RBMS1: variants seen among roughly 807,000 people sequenced by gnomAD.
RBMS1 encodes the protein RNA-binding motif, single-stranded-interacting protein 1.
RBMS1 carries 17 observed loss-of-function variants against 62.3 expected under a neutral mutation model. The ratio of observed to expected loss-of-function variants is 0.27; its 90% CI spans 0.19 to 0.41. The LOEUF (loss-of-function observed/expected upper bound fraction) is 0.41, where lower values mean the gene tolerates loss of function less well. RBMS1 is among the 10% of genes least tolerant of loss of function. The probability of loss-of-function intolerance (pLI) is 1.00; values close to 1 mark genes in which losing one functional copy is unlikely to be tolerated. For synonymous variants in RBMS1, 172 were observed against 170.0 expected (o/e 1.01, Z -0.09); for missense variants, 334 against 504.5 (o/e 0.66, Z 3.24).
rs749064252 is a variant in RBMS1 at position 160,284,899 on chromosome 2, A to C, written c.807-31T>G. ...ACAAACACAAAAGCCTTTATTAAGT[A>C]ATCCTTTAAATAGAATAATTCATGG... On this transcript the variant is annotated intron_variant, in intron 8 of 13. Transcript: ENST00000348849. 5 of 1,565,210 alleles carry C rather than the reference A, an allele frequency of 3.2e-6. No homozygotes were observed. In the South Asian group the frequency reaches 5.6e-5, roughly 17 times the overall value.
At chr2:160,368,718 A>G (rs1693554406) in intron 1 of RBMS1, among the ~76,000 whole-genome samples, 1 of 152,136 alleles carries the variant, frequency 6.6e-6, no homozygotes, top group African/African-American at 2.4e-5. Context: ...GGCTCACCGG[A>G]ACCCTCCACC....
intron 13 of RBMS1, 139 bp downstream of exon 13, chr2:160,275,491 A>G (rs905621240): frequency 5.9e-6 from 8 of 1,362,784 alleles, no homozygotes; most frequent in Non-Finnish European, 6.8e-6. Context: ...TAATATTTCA[A>G]CAAGACTAGA....
chr2:160,399,147 A>G (rs1023879802), intron 1 of RBMS1, among the ~76,000 whole-genome samples: 1 of 152,198 alleles, frequency 6.6e-6, no homozygotes, highest in Non-Finnish European at 1.5e-5. Flanking sequence ...GTCGCCTTCC[A>G]TGATGCAACC....
intron 1 of RBMS1, among the ~76,000 whole-genome samples, chr2:160,372,837 C>T (rs1693798614): frequency 6.6e-6 from 1 of 152,110 alleles, no homozygotes; most frequent in Admixed American, 6.6e-5. Context: ...GAATCAGTTG[C>T]TCCTATGGAT....
intron 1 of RBMS1, among the ~76,000 whole-genome samples, chr2:160,419,987 T>C (rs1257742436): frequency 6.6e-6 from 1 of 152,238 alleles, no homozygotes; most frequent in Non-Finnish European, 1.5e-5. Context: ...TTATCTGTGA[T>C]TCATACTGAC....
In RBMS1 at chr2:160,324,880, GTGTATATA is replaced by G. The variant is rs1388464185; in HGVS notation, c.252-6661_252-6654del. ...TTCTAAGCGAGATGTGTGTGTGTGT[GTGTATATA>G]TATATATATATATATATATACACAC... On this transcript the variant is annotated intron_variant, in intron 2 of 13. Coordinates refer to ENST00000348849, the MANE Select transcript of RBMS1 (RefSeq NM_016836.4). 4.6e-3 allele frequency among the ~76,000 whole-genome samples: 352 copies of G among 76,100 alleles called. 1 individual carries two copies. Among genetic ancestry groups the G allele is most frequent in the South Asian group, 0.033 (57 of 1,752 alleles). 49.9% of individuals were successfully genotyped at this position (76,100 alleles called of 152,430 possible).
At chr2:160,417,254 T>C (rs1298172230) in intron 1 of RBMS1, among the ~76,000 whole-genome samples, 6 of 152,200 alleles carry the variant, frequency 3.9e-5, no homozygotes, top group African/African-American at 1.4e-4. Flanking sequence ...AAAAATGTAG[T>C]GATGCAGTAA....
At chr2:160,437,963 C>T (rs76814633) in intron 1 of RBMS1, among the ~76,000 whole-genome samples, 173 of 1,204 alleles carry the variant, frequency 0.14, 2 homozygotes, top group Admixed American at 0.32. Flanking sequence ...CCTTGTTCAT[C>T]CACTTTTACT....
chr2:160,476,191 G>T (rs7585160), intron 1 of RBMS1, among the ~76,000 whole-genome samples: 144,748 of 152,198 alleles, frequency 0.95, 69,018 homozygotes, highest in East Asian at 1. Context: ...TTATATTCAT[G>T]ATATTTAACT....
chr2:160,462,099 T>A (rs1338171984), intron 1 of RBMS1, among the ~76,000 whole-genome samples: 1 of 152,240 alleles, frequency 6.6e-6, no homozygotes, highest in East Asian at 1.9e-4. Flanking sequence ...CTTCACCAAT[T>A]TCCTTTCCAA....
chr2:160,395,821 T>C (rs1695109709), intron 1 of RBMS1, among the ~76,000 whole-genome samples: 1 of 152,174 alleles, frequency 6.6e-6, no homozygotes, highest in African/African-American at 2.4e-5. Context: ...CAAGTCTTTC[T>C]CATCACAAGG....
intron 6 of RBMS1, among the ~76,000 whole-genome samples, chr2:160,298,673 A>T (rs1356375929): frequency 1.3e-5 from 2 of 152,192 alleles, no homozygotes; most frequent in Non-Finnish European, 1.5e-5. Context: ...CAGGATAAAA[A>T]GAGGGGAAAT....
At chr2:160,311,232 C>CTATCTATATA (rs1381483574) in intron 4 of RBMS1, among the ~76,000 whole-genome samples, 68 of 79,238 alleles carry the variant, frequency 8.6e-4, no homozygotes, top group South Asian at 1.8e-3. Flanking sequence ...ATCTATCTAT[C>CTATCTATATA]TATATATATA....
At chr2:160,424,019 T>C (rs2105274080) in intron 1 of RBMS1, among the ~76,000 whole-genome samples, 1 of 141,524 alleles carries the variant, frequency 7.1e-6, no homozygotes. Context: ...AAAAGTGCCA[T>C]TTCTTTTTTT....
At chr2:160,438,675 G>A (rs920050616) in intron 1 of RBMS1, among the ~76,000 whole-genome samples, 191 of 152,288 alleles carry the variant, frequency 1.3e-3, no homozygotes, top group Middle Eastern at 3.4e-3. Context: ...ACACAGACAT[G>A]GCAACCATCC....
intron 12 of RBMS1, chr2:160,276,771 T>A (rs751536921): frequency 6.6e-6 from 1 of 152,212 alleles, no homozygotes; most frequent in Non-Finnish European, 1.5e-5. Flanking sequence ...ATTGATACGA[T>A]CTTTAGTACT....
At chr2:160,445,750 A>G (rs1054931833) in intron 1 of RBMS1, among the ~76,000 whole-genome samples, 4 of 152,236 alleles carry the variant, frequency 2.6e-5, no homozygotes, top group Admixed American at 2.0e-4. Flanking sequence ...CCATCAGTTC[A>G]GAGGCGGTGA....
In RBMS1 at chr2:160,382,235, A is replaced by C. The variant is rs569621278; in HGVS notation, c.76-14844T>G. On this transcript the variant is annotated intron_variant, in intron 1 of 13. Transcript: ENST00000348849. ...AAGGGCTAGATGGTGGTGGAACCTA[A>C]GTATCTTAGAAAGGAGTCTGAAATC... Among the ~76,000 whole-genome samples, 4 of 152,348 alleles carry C rather than the reference A, an allele frequency of 2.6e-5. No homozygotes were observed. The East Asian group carries it at 5.8e-4, about 22-fold the overall frequency.
At chr2:160,281,474 A>C (rs1355560177) in intron 9 of RBMS1, 110 bp from the exon 10 acceptor site, 1 of 861,630 alleles carries the variant, frequency 1.2e-6, no homozygotes, top group Non-Finnish European at 1.8e-6. Flanking sequence ...AAAACAAGGA[A>C]ACAATACTAT....
Sources: allele counts gnomAD v4.1 joint callset (sites outside exome capture counted in the v4.1 genomes callset), GRCh38; gene constraint gnomAD v4.1.1; transcripts MANE v1.5; gene names NCBI Gene and HGNC (gene_info 2026-07-23, HGNC 2026-07-21).